ZFP1: variants seen among roughly 807,000 people sequenced by gnomAD.
The protein encoded by ZFP1 is zinc finger protein 1 homolog.
A neutral mutation model predicts 38.5 loss-of-function variants in ZFP1; 32 were observed. The observed-to-expected ratio is 0.83, with a 90% confidence interval of 0.63 to 1.12. The LOEUF is 1.12. ZFP1 is among the 50% of genes most tolerant of loss of function. The pLI, the probability that ZFP1 is intolerant of heterozygous loss-of-function variation, is 0.00. For synonymous variants in ZFP1, 245 were observed against 168.8 expected (o/e 1.45, Z -3.50); for missense variants, 616 against 480.8 (o/e 1.28, Z -2.63).
chr16:75,139,395 A>T, the ZFP1 span, among the ~76,000 whole-genome samples: 1 of 124,498 alleles, frequency 8.0e-6, no homozygotes, highest in South Asian at 2.3e-4. Flanking sequence ...AAAAAAAAAA[A>T]ACACCGTCAG....
At chr16:75,147,972 G>A (rs980897858), upstream of ZFP1, among the ~76,000 whole-genome samples, 1 of 152,066 alleles carries the variant, frequency 6.6e-6, no homozygotes, top group African/African-American at 2.4e-5. Context: ...TGATTATGGT[G>A]AATATTTCAC....
the ZFP1 span, among the ~76,000 whole-genome samples, chr16:75,124,197 C>T: frequency 6.7e-6 from 1 of 149,570 alleles, no homozygotes; most frequent in African/African-American, 2.4e-5. Context: ...GAGTCTTGCT[C>T]TGTTGCCCAG....
rs762228706 is a variant in ZFP1, at chr16:75,170,308, A to G, written c.1198A>G (p.Arg400Gly). The G allele has an allele frequency of 3.7e-5, 59 of 1,597,448 alleles. No homozygotes were observed. The highest frequency in any genetic ancestry group is 3.4e-5 in the Admixed American group (2 of 58,116). ...SRKSRLSVHQ[R>G]VHIGEKP is the part of the protein sequence containing the mutation. ...GAAGTCCCGACTCAGTGTCCATCAG[A>G]GAGTTCACATCGGGGAGAAACCCTG... The change falls in exon 4 of 4, where the codon AGA becomes GGA. Residue 400 changes from arginine (R) to glycine (G), a missense_variant. Coordinates refer to ENST00000570010, the MANE Select transcript of ZFP1 (RefSeq NM_153688.4).
intron 2 of ZFP1, among the ~76,000 whole-genome samples, chr16:75,164,743 A>G (rs2037970524): frequency 6.6e-6 from 1 of 152,208 alleles, no homozygotes; most frequent in Admixed American, 6.5e-5. Flanking sequence ...GAATATCAAA[A>G]GAATATTTTG....
chr16:75,136,595 ATGGTGGCTCAAGCT>A, the ZFP1 span, among the ~76,000 whole-genome samples: 1 of 152,210 alleles, frequency 6.6e-6, no homozygotes, highest in Non-Finnish European at 1.5e-5. Flanking sequence ...TAGACTGGGC[ATGGTGGCTCAAGCT>A]TGTATTCTTA....
intron 2 of ZFP1, among the ~76,000 whole-genome samples, chr16:75,155,438 A>G (rs1291942669): frequency 6.6e-6 from 1 of 152,176 alleles, no homozygotes; most frequent in African/African-American, 2.4e-5. Context: ...GCTCAGCCCA[A>G]TTATGTGTTT....
the ZFP1 span, among the ~76,000 whole-genome samples, chr16:75,131,053 C>T: frequency 6.6e-5 from 10 of 152,122 alleles, no homozygotes; most frequent in Admixed American, 1.3e-4. Context: ...TCCTAAGATC[C>T]AGCTTTCCTT....
At chr16:75,167,034 G>A in intron 3 of ZFP1, 138 bp downstream of exon 3, 1 of 1,444,832 alleles carries the variant, frequency 6.9e-7, no homozygotes. Flanking sequence ...AGATCTTGCA[G>A]CCTTTAAAGC....
chr16:75,163,745 G>A (rs1016253545), intron 2 of ZFP1, among the ~76,000 whole-genome samples: 2 of 151,774 alleles, frequency 1.3e-5, no homozygotes, highest in Non-Finnish European at 2.9e-5. Flanking sequence ...CCACATAGCT[G>A]GGACTACAGG....
At chr16:75,161,774 A>ATATAATTTTTT (rs1555523101) in intron 2 of ZFP1, among the ~76,000 whole-genome samples, 1 of 7,818 alleles carries the variant, frequency 1.3e-4, no homozygotes, top group African/African-American at 3.9e-4. Flanking sequence ...ATATATATAT[A>ATATAATTTTTT]TTTTTTTTTT....
At chr16:75,123,455 G>GTATGTATATATATATATATATATATA in the ZFP1 span, among the ~76,000 whole-genome samples, 1 of 87,290 alleles carries the variant, frequency 1.1e-5, no homozygotes, top group Non-Finnish European at 2.1e-5. Flanking sequence ...GTGTGTATAT[G>GTATGTATATATATATATATATATATA]TATATATATA....
the ZFP1 span, among the ~76,000 whole-genome samples, chr16:75,135,934 G>C: frequency 6.6e-6 from 1 of 152,298 alleles, no homozygotes; most frequent in African/African-American, 2.4e-5. Flanking sequence ...TCCTGCCTCA[G>C]CCTCCCGAGT....
At chr16:75,128,842 G>A in the ZFP1 span, among the ~76,000 whole-genome samples, 8 of 152,212 alleles carry the variant, frequency 5.3e-5, no homozygotes, top group African/African-American at 1.9e-4. Flanking sequence ...CCAGGCTGGA[G>A]TGCAATGGCA....
intron 2 of ZFP1, among the ~76,000 whole-genome samples, chr16:75,160,114 G>A (rs1215194212): frequency 6.6e-6 from 1 of 152,188 alleles, no homozygotes; most frequent in African/African-American, 2.4e-5. Context: ...AAAGATTTGA[G>A]GTGAATCTTT....
chr16:75,136,145 A>G, the ZFP1 span, among the ~76,000 whole-genome samples: 2 of 152,216 alleles, frequency 1.3e-5, no homozygotes, highest in Non-Finnish European at 2.9e-5. Flanking sequence ...TCATTTAGGA[A>G]GTCGGGGGAG....
intron 1 of ZFP1, among the ~76,000 whole-genome samples, chr16:75,150,779 C>T (rs963767512): frequency 6.6e-6 from 1 of 152,044 alleles, no homozygotes; most frequent in Non-Finnish European, 1.5e-5. Flanking sequence ...GTAACTGTTT[C>T]GTGTGTATTT....
the ZFP1 span, among the ~76,000 whole-genome samples, chr16:75,139,276 G>A: frequency 2.0e-5 from 3 of 146,464 alleles, no homozygotes; most frequent in African/African-American, 7.4e-5. Context: ...GGCTGAGGCA[G>A]GAGAATGGCT....
intron 2 of ZFP1, among the ~76,000 whole-genome samples, chr16:75,158,037 C>G (rs916444070): frequency 6.6e-6 from 1 of 151,978 alleles, no homozygotes; most frequent in Non-Finnish European, 1.5e-5. Flanking sequence ...ATCTGTCTAC[C>G]TCAGCCTCCC....
At chr16:75,147,421 G>T (rs182347447), upstream of ZFP1, among the ~76,000 whole-genome samples, 2 of 151,650 alleles carry the variant, frequency 1.3e-5, no homozygotes, top group East Asian at 1.9e-4. Context: ...GGGACTACAG[G>T]TGCGTGCCAC....
Sources: gnomAD v4.1 joint callset for allele counts (sites outside exome capture counted in the v4.1 genomes callset) on GRCh38, gnomAD v4.1.1 for gene constraint, MANE v1.5 for transcripts, NCBI Gene and HGNC (gene_info 2026-07-23, HGNC 2026-07-21) for gene names.